The following CASQ2 variants were observed in gnomAD, a reference collection of about 807,000 sequenced individuals.
The protein encoded by CASQ2 is calsequestrin 2, also known as calsequestrin-2.
CASQ2 carries 49 observed loss-of-function variants against 46.5 expected under a neutral mutation model. That is an observed-to-expected ratio of 1.05 (90% CI 0.84 to 1.34). The LOEUF (loss-of-function observed/expected upper bound fraction) is 1.34, where lower values mean the gene tolerates loss of function less well. Among genes scored for constraint, CASQ2 ranks in the 40% most tolerant of loss-of-function variants. The pLI, the probability that CASQ2 is intolerant of heterozygous loss-of-function variation, is 0.00. For missense variants in CASQ2, 486 were observed against 481.3 expected, an observed-to-expected ratio of 1.01 and a Z score of -0.09; for synonymous variants, 174 against 168.5, an observed-to-expected ratio of 1.03 and a Z score of -0.25.
At chr1:115,728,369 AC>A (rs1647667401) in intron 5 of CASQ2, among the ~76,000 whole-genome samples, 1 of 152,202 alleles carries the variant, frequency 6.6e-6, no homozygotes, top group South Asian at 2.1e-4. Context: ...GGCCATGTTG[AC>A]AGCTATAGTC....
rs749849769 is a variant in CASQ2 at position 115,727,135 on chromosome 1, G to A, written c.607-13C>T. 1.9e-6 allele frequency: 3 copies of A among 1,599,870 alleles called. No individual in the cohort carries two copies. In the South Asian group the frequency reaches 3.3e-5, roughly 18 times the overall value. On this transcript the variant is annotated splice_polypyrimidine_tract_variant and intron_variant, in intron 5 of 10. Coordinates refer to ENST00000261448, the MANE Select transcript of CASQ2 (RefSeq NM_001232.4). ...ATTTCTTTGCAACCTGTAACCATTA[G>A]AAATAAGACAAAGTTTATTTGAATA...
Position 115,732,913 on chromosome 1 carries a change from G to C in CASQ2, c.594C>G (p.Thr198=), listed in dbSNP as rs767163972. The change falls in exon 5 of 11, where the codon ACC becomes ACG. Residue 198 remains threonine (T), a synonymous_variant. Transcript: ENST00000261448. ...CATAGGTACTTACCCCTTTGTCAAAGGTGGCAAAGAATTTGATGTAAGGCT... is the reference window on the plus strand; with the variant it reads ...CATAGGTACTTACCCCTTTGTCAAACGTGGCAAAGAATTTGATGTAAGGCT... The part of the protein sequence containing the change: ...HFQPYIKFFA[T]FDKGVAKKLS... 1 of 1,612,856 alleles carries C rather than the reference G, an allele frequency of 6.2e-7. No individual in the cohort carries two copies. Among genetic ancestry groups the C allele is most frequent in the Non-Finnish European group, 8.5e-7 (1 of 1,178,932 alleles).
rs1349796492 is a variant in CASQ2, at chr1:115,712,853, C to CAAA, written c.838+4984_838+4986dup. On this transcript the variant is annotated intron_variant, in intron 8 of 10. Transcript: ENST00000261448. ...CCTGAGCAATAGAGGGAGACTGCCT[C>CAAA]AAAAAAAAAAAAAAAGAAAGAAAGA... Among the ~76,000 whole-genome samples, 389 of 117,594 alleles carry CAAA rather than the reference C, an allele frequency of 3.3e-3. 1 individual carries two copies. Among genetic ancestry groups the CAAA allele is most frequent in the African/African-American group, 0.011 (329 of 30,926 alleles). 77.1% of individuals were successfully genotyped at this position (117,594 alleles called of 152,430 possible).
chr1:115,756,232 C>T (rs1322984305), intron 1 of CASQ2, among the ~76,000 whole-genome samples: 2 of 152,166 alleles, frequency 1.3e-5, no homozygotes, highest in African/African-American at 2.4e-5. Context: ...CACACAGAAG[C>T]AGCTCTGGCT....
At chr1:115,760,684 T>C (rs1011054776) in intron 1 of CASQ2, among the ~76,000 whole-genome samples, 1 of 152,196 alleles carries the variant, frequency 6.6e-6, no homozygotes, top group Non-Finnish European at 1.5e-5. Context: ...CAGTGACCAA[T>C]TAAACCAGCA....
At chr1:115,708,902 C>G (rs1654446225) in intron 8 of CASQ2, among the ~76,000 whole-genome samples, 2 of 152,194 alleles carry the variant, frequency 1.3e-5, no homozygotes, top group Admixed American at 1.3e-4. Context: ...GCTCCTGTTG[C>G]CGATTCTGTG....
intron 9 of CASQ2, among the ~76,000 whole-genome samples, chr1:115,704,583 T>A (rs1441687899): frequency 1.3e-5 from 2 of 152,238 alleles, no homozygotes; most frequent in African/African-American, 4.8e-5. Flanking sequence ...CAGGGTTCAA[T>A]ACATGTAGTG....
At chr1:115,703,870 C>T (rs1410693695) in intron 9 of CASQ2, among the ~76,000 whole-genome samples, 2 of 151,506 alleles carry the variant, frequency 1.3e-5, no homozygotes, top group Non-Finnish European at 2.9e-5. Context: ...TGAGATTATG[C>T]CACTGCACTC....
At chr1:115,763,370 A>C (rs1482960922) in intron 1 of CASQ2, among the ~76,000 whole-genome samples, 1 of 152,104 alleles carries the variant, frequency 6.6e-6, no homozygotes, top group African/African-American at 2.4e-5. Context: ...ACAGGAGTAC[A>C]TCGAGAGCGA....
At chr1:115,718,417 A>T (rs1336346949) in intron 7 of CASQ2, among the ~76,000 whole-genome samples, 1 of 152,216 alleles carries the variant, frequency 6.6e-6, no homozygotes, top group African/African-American at 2.4e-5. Flanking sequence ...ATCCAAATGG[A>T]TGGCAGACAG....
chr1:115,737,546 T>G (rs1156667695), intron 4 of CASQ2, among the ~76,000 whole-genome samples: 1 of 152,104 alleles, frequency 6.6e-6, no homozygotes, highest in Non-Finnish European at 1.5e-5. Flanking sequence ...CCAAAGCAGT[T>G]TTAAATATGT....
At chr1:115,732,751 G>A in intron 5 of CASQ2, 150 bp downstream of exon 5, 2 of 670,770 alleles carry the variant, frequency 3.0e-6, no homozygotes, top group Non-Finnish European at 5.5e-6. Context: ...ATCCAATAGT[G>A]ATTTAGTGAT....
In CASQ2 at chr1:115,712,230, G is replaced by A. The variant is rs1033664328; in HGVS notation, c.838+5610C>T. ...AGTCACCCGTGAGAGTCAGACATCCGCGTAGGACAGGGGACATTGTCTGGG... is the reference window on the plus strand; with the variant it reads ...AGTCACCCGTGAGAGTCAGACATCCACGTAGGACAGGGGACATTGTCTGGG... On this transcript the variant is annotated intron_variant, in intron 8 of 10. Coordinates refer to ENST00000261448, the MANE Select transcript of CASQ2 (RefSeq NM_001232.4). 5.3e-5 allele frequency among the ~76,000 whole-genome samples: 8 copies of A among 152,314 alleles called. No homozygotes were observed. The South Asian group carries it at 1.2e-3, about 24-fold the overall frequency.
rs114487429 is a variant in CASQ2, at chr1:115,721,796, C to T, written c.783+3712G>A. On this transcript the variant is annotated intron_variant, in intron 7 of 10. Transcript: ENST00000261448. ...ATGTTGCCCAGGCTGCTCTCGAATT[C>T]CTTGACTCAAACGATCTGCCCACCT... Among the ~76,000 whole-genome samples the T allele has an allele frequency of 4.0e-3, 603 of 152,260 alleles. 2 individuals carry two copies. The highest frequency in any genetic ancestry group is 0.014 in the African/African-American group (587 of 41,536).
intron 1 of CASQ2, among the ~76,000 whole-genome samples, chr1:115,758,399 G>A (rs923486675): frequency 5.9e-5 from 9 of 152,198 alleles, no homozygotes; most frequent in African/African-American, 1.7e-4. Context: ...GACAAATGCT[G>A]TTGAATACCT....
chr1:115,725,888 CAG>C (rs1325787374), intron 6 of CASQ2, among the ~76,000 whole-genome samples: 3 of 152,152 alleles, frequency 2.0e-5, no homozygotes, highest in Non-Finnish European at 4.4e-5. Flanking sequence ...GCCACCACTC[CAG>C]AGAGCCCACA....
At chr1:115,733,480 T>C (rs1467151591) in intron 4 of CASQ2, among the ~76,000 whole-genome samples, 2 of 152,216 alleles carry the variant, frequency 1.3e-5, no homozygotes, top group Non-Finnish European at 1.5e-5. Context: ...TGCTGAATTC[T>C]AGTTTTCTTT....
intron 8 of CASQ2, among the ~76,000 whole-genome samples, chr1:115,710,155 C>A (rs1311561574): frequency 6.6e-6 from 1 of 152,176 alleles, no homozygotes; most frequent in African/African-American, 2.4e-5. Context: ...GGACACAGAA[C>A]ATTGTTCTCC....
At chr1:115,755,728 C>G (rs6689882) in intron 1 of CASQ2, among the ~76,000 whole-genome samples, 10,765 of 152,254 alleles carry the variant, frequency 0.071, 1,290 homozygotes, top group African/African-American at 0.24. Context: ...GCCCTTCACT[C>G]AGCACCAAGC....
Sources: allele counts gnomAD v4.1 joint callset (sites outside exome capture counted in the v4.1 genomes callset), GRCh38; gene constraint gnomAD v4.1.1; transcripts MANE v1.5; gene names NCBI Gene and HGNC (gene_info 2026-07-23, HGNC 2026-07-21).